The following SKI variants were observed in gnomAD, a reference collection of about 807,000 sequenced individuals.
The protein encoded by SKI is SKI proto-oncogene, also known as ski oncogene.
SKI carries 23 observed loss-of-function variants against 59.3 expected under a neutral mutation model. The observed-to-expected ratio is 0.39, with a 90% CI of 0.28 to 0.55. The LOEUF is 0.55. Ranked by LOEUF, SKI falls within the 20% of genes least tolerant of loss-of-function variation. The probability of loss-of-function intolerance (pLI) is 0.67; values close to 1 mark genes in which losing one functional copy is unlikely to be tolerated. For synonymous variants in SKI, 673 were observed against 488.6 expected (o/e 1.38, Z -4.98); for missense variants, 1,017 against 1,038.9 (o/e 0.98, Z 0.29).
chr1:2,244,465 A>G (rs1403332343), intron 1 of SKI, among the ~76,000 whole-genome samples: 1 of 152,166 alleles, frequency 6.6e-6, no homozygotes, highest in African/African-American at 2.4e-5. Flanking sequence ...CTGTAGTCCC[A>G]GCTACTTGGG....
rs1639565896 is a variant in SKI, at chr1:2,269,304, T to C, written c.970-33674T>C. Among the ~76,000 whole-genome samples, 1 of 152,218 alleles carries C rather than the reference T, an allele frequency of 6.6e-6. No individual in the cohort carries two copies. Among genetic ancestry groups the C allele is most frequent in the Non-Finnish European group, 1.5e-5 (1 of 68,036 alleles). ...GGAAGAAAGCACCGCTGGCCATGAC[T>C]GGGCAGAGCCAGAGAGTGACTAAGG... On this transcript the variant is annotated intron_variant, in intron 1 of 6. Transcript: ENST00000378536. The surrounding 1 kb of genome is among the most constrained non-coding windows in gnomAD (Gnocchi z 4.7).
rs1640490081 is a variant in SKI at position 2,303,859 on chromosome 1, T to G, written c.1231T>G (p.Phe411Val). The G allele has an allele frequency of 1.2e-6, 2 of 1,612,396 alleles. No homozygotes were observed. Among genetic ancestry groups the G allele is most frequent in the Non-Finnish European group, 1.7e-6 (2 of 1,179,806 alleles). ...IRDSFYSYKSFETAVAPNVAL... is the reference protein window; with the variant it reads ...IRDSFYSYKSVETAVAPNVAL... Reference sequence around the variant, plus strand: ...CTCCAGCTTCTACTCCTACAAGAGCTTTGAGACAGCCGTGGCGCCCAACGT... The same window carrying G: ...CTCCAGCTTCTACTCCTACAAGAGCGTTGAGACAGCCGTGGCGCCCAACGT... The change falls in exon 4 of 7, where the codon TTT (phenylalanine) becomes GTT (valine). Residue 411 changes from phenylalanine (F) to valine (V), a missense_variant. Transcript: ENST00000378536. The surrounding 1 kb of genome is among the most constrained non-coding windows in gnomAD (Gnocchi z 5.6).
intron 1 of SKI, among the ~76,000 whole-genome samples, chr1:2,272,833 TCCCCCTCCCAC>T (rs1639655416): frequency 1.3e-5 from 2 of 151,602 alleles, no homozygotes; most frequent in African/African-American, 4.8e-5. Flanking sequence ...GCCCCGAGCC[TCCCCCTCCCAC>T]GCCCCGAGCC....
chr1:2,305,023 C>T (rs1317850402), intron 5 of SKI, among the ~76,000 whole-genome samples: 2 of 152,230 alleles, frequency 1.3e-5, no homozygotes, highest in African/African-American at 2.4e-5. Context: ...CCAGCAAGAC[C>T]TGGCGTCTGC....
chr1:2,283,527 G>T (rs1043957553), intron 1 of SKI, among the ~76,000 whole-genome samples: 1 of 152,230 alleles, frequency 6.6e-6, no homozygotes, highest in South Asian at 2.1e-4. Context: ...TCGTGCTGTC[G>T]CTGTGGATTT....
At chr1:2,298,924 G>C (rs979896486) in intron 1 of SKI, among the ~76,000 whole-genome samples, 3 of 152,234 alleles carry the variant, frequency 2.0e-5, no homozygotes, top group Non-Finnish European at 4.4e-5. Context: ...CTTGCCCTGG[G>C]GGGTCCTGGT....
intron 1 of SKI, among the ~76,000 whole-genome samples, chr1:2,282,896 C>T (rs1639939863): frequency 6.6e-6 from 1 of 152,242 alleles, no homozygotes; most frequent in African/African-American, 2.4e-5. Context: ...CCTCAGTGAG[C>T]TCCTCCTGTG....
intron 1 of SKI, among the ~76,000 whole-genome samples, chr1:2,274,648 C>T (rs1639702455): frequency 6.6e-6 from 1 of 152,254 alleles, no homozygotes; most frequent in African/African-American, 2.4e-5. Flanking sequence ...AGGCTGGAGC[C>T]TCATAGCGGG....
chr1:2,309,316 T>C lies in SKI; in HGVS notation c.*2551T>C, dbSNP rs1171324846. 5 of 152,158 alleles carry C rather than the reference T, an allele frequency of 3.3e-5. No homozygotes were observed. The highest frequency in any genetic ancestry group is 5.9e-5 in the Non-Finnish European group (4 of 68,034). The allele number at this position is 152,158 out of a possible 1,614,324, so 9.4% of individuals were successfully genotyped here. A position where few individuals can be genotyped will look rare whatever the true frequency, so the allele number is the denominator to read the frequency against. On this transcript the variant is annotated 3_prime_UTR_variant, in exon 7 of 7. Coordinates refer to ENST00000378536, the MANE Select transcript of SKI (RefSeq NM_003036.4). ...ATTGTGTATTCAGTTTAATTCTCATTATATTTCTATACTGAAAGAAGATTT... is the reference window on the plus strand; with the variant it reads ...ATTGTGTATTCAGTTTAATTCTCATCATATTTCTATACTGAAAGAAGATTT...
intron 1 of SKI, among the ~76,000 whole-genome samples, chr1:2,261,867 C>T (rs969929842): frequency 1.2e-4 from 17 of 144,696 alleles, no homozygotes; most frequent in Admixed American, 7.6e-4. Context: ...TGGGAGTGGA[C>T]GCCCTCACTC....
intron 1 of SKI, among the ~76,000 whole-genome samples, chr1:2,253,095 G>GAA (rs55741448): frequency 1.4e-5 from 2 of 139,684 alleles, no homozygotes; most frequent in African/African-American, 2.7e-5. Flanking sequence ...GACCCTGTCT[G>GAA]AAAAAAAAAA....
In SKI at chr1:2,275,525, T is replaced by G. The variant is rs143873970; in HGVS notation, c.970-27453T>G. Among the ~76,000 whole-genome samples, 552 of 152,192 alleles carry G rather than the reference T, an allele frequency of 3.6e-3. 9 individuals carry two copies. In the Middle Eastern group the frequency reaches 0.037, roughly 10 times the overall value. ...CTTTTTCCAGAGACGTTTATCTGTT[T>G]TTTTTTTAGACGGAGTCTCGCTCTG... On this transcript the variant is annotated intron_variant, in intron 1 of 6. Transcript: ENST00000378536.
intron 1 of SKI, among the ~76,000 whole-genome samples, chr1:2,231,473 G>C (rs1638636678): frequency 6.6e-6 from 1 of 152,192 alleles, no homozygotes; most frequent in African/African-American, 2.4e-5. Flanking sequence ...AGCTGACACA[G>C]AGCAGGGCCC....
chr1:2,240,001 C>A (rs1266340593), intron 1 of SKI, among the ~76,000 whole-genome samples: 2 of 151,958 alleles, frequency 1.3e-5, no homozygotes, highest in Non-Finnish European at 2.9e-5. Flanking sequence ...TTAATTTTCC[C>A]AGCTGAACGT....
intron 1 of SKI, among the ~76,000 whole-genome samples, chr1:2,237,931 T>G (rs1272527229): frequency 6.6e-6 from 1 of 152,194 alleles, no homozygotes; most frequent in African/African-American, 2.4e-5. Flanking sequence ...ACGGGTTACT[T>G]AAGGAGTCCA....
chr1:2,257,126 T>A (rs988057160), intron 1 of SKI, among the ~76,000 whole-genome samples: 1 of 152,212 alleles, frequency 6.6e-6, no homozygotes, highest in Non-Finnish European at 1.5e-5. Flanking sequence ...CTAAGATATC[T>A]ATCTCTTTGT....
intron 5 of SKI, 129 bp downstream of exon 5, chr1:2,304,714 T>A (rs149233303): frequency 1.7e-5 from 24 of 1,403,722 alleles, no homozygotes; most frequent in Admixed American, 5.6e-5. Context: ...TGCCTCCACC[T>A]CAGTGGGCCT....
At chr1:2,291,297 C>G (rs1262090994) in intron 1 of SKI, among the ~76,000 whole-genome samples, 1 of 152,250 alleles carries the variant, frequency 6.6e-6, no homozygotes, top group Non-Finnish European at 1.5e-5. Flanking sequence ...TGAGGTTTTG[C>G]AGGGCTGTGT....
At chr1:2,294,523 C>G (rs1168248803) in intron 1 of SKI, among the ~76,000 whole-genome samples, 1 of 152,246 alleles carries the variant, frequency 6.6e-6, no homozygotes, top group African/African-American at 2.4e-5. Flanking sequence ...CCGTTTCCTC[C>G]TCCCTTGAGC....
Sources: gnomAD v4.1 joint callset for allele counts (sites outside exome capture counted in the v4.1 genomes callset) on GRCh38, gnomAD v4.1.1 for gene constraint, Gnocchi (gnomAD v3.1) non-coding constraint, MANE v1.5 for transcripts, NCBI Gene and HGNC (gene_info 2026-07-23, HGNC 2026-07-21) for gene names.